The following ARHGEF12 variants were observed in gnomAD, a reference collection of about 807,000 sequenced individuals.
The protein encoded by ARHGEF12 is KMT2A/ARHGEF12 fusion protein.
Under a neutral mutation model 211.2 loss-of-function variants are expected in ARHGEF12, and 66 were observed. That is an observed-to-expected ratio of 0.31 (90% CI 0.26 to 0.38). ARHGEF12 has a LOEUF of 0.38. Ranked by LOEUF, ARHGEF12 falls within the 10% of genes least tolerant of loss-of-function variation. The pLI is 1.00. For synonymous variants in ARHGEF12, 592 were observed against 638.4 expected, an observed-to-expected ratio of 0.93 and a Z score of 1.09; for missense variants, 1,429 against 1,869.5, an observed-to-expected ratio of 0.76 and a Z score of 4.34.
intron 37 of ARHGEF12, 100 bp downstream of exon 37, chr11:120,478,489 A>G: frequency 9.0e-7 from 1 of 1,114,734 alleles, no homozygotes; most frequent in Non-Finnish European, 1.3e-6. Flanking sequence ...TTATTCTTCT[A>G]GTTCTATTGT....
chr11:120,480,800 G>T (rs143826542), intron 38 of ARHGEF12, among the ~76,000 whole-genome samples: 44 of 152,278 alleles, frequency 2.9e-4, no homozygotes, highest in African/African-American at 1.0e-3. Flanking sequence ...TAGGACCTCC[G>T]ATGAGGTAGC....
At chr11:120,459,117 T>C in intron 25 of ARHGEF12, 57 bp from the exon 26 acceptor site, 2 of 1,412,476 alleles carry the variant, frequency 1.4e-6, no homozygotes, top group Non-Finnish European at 1.9e-6. Flanking sequence ...AAGACTATGA[T>C]TGATCCCATG....
At chr11:120,387,190 T>G (rs1238520442) in intron 1 of ARHGEF12, among the ~76,000 whole-genome samples, 2 of 152,056 alleles carry the variant, frequency 1.3e-5, no homozygotes, top group Non-Finnish European at 2.9e-5. Flanking sequence ...TTTATTATAT[T>G]TAGTTTCCAT....
intron 26 of ARHGEF12, 75 bp from the exon 27 acceptor site, chr11:120,460,597 T>G (rs1489143673): frequency 4.0e-6 from 5 of 1,238,634 alleles, no homozygotes; most frequent in Non-Finnish European, 5.7e-6. Context: ...AAAAAAAAAT[T>G]AGCTACTCTG....
chr11:120,371,074 A>T (rs1244377244), intron 1 of ARHGEF12, among the ~76,000 whole-genome samples: 1 of 152,252 alleles, frequency 6.6e-6, no homozygotes, highest in Non-Finnish European at 1.5e-5. Context: ...TACCTCACAG[A>T]ATCAAGTGAG....
chr11:120,352,724 C>G (rs1184265921), intron 1 of ARHGEF12, among the ~76,000 whole-genome samples: 3 of 152,116 alleles, frequency 2.0e-5, no homozygotes, highest in Non-Finnish European at 4.4e-5. Context: ...TTTGTGTCTC[C>G]CATGCTCAGG....
intron 4 of ARHGEF12, among the ~76,000 whole-genome samples, chr11:120,415,708 T>C (rs2135630612): frequency 6.6e-6 from 1 of 152,320 alleles, no homozygotes; most frequent in Non-Finnish European, 1.5e-5. Flanking sequence ...GAATTTTGAA[T>C]GGTAGGATGG....
At chr11:120,379,999 C>A (rs1170468129) in intron 1 of ARHGEF12, among the ~76,000 whole-genome samples, 1 of 152,096 alleles carries the variant, frequency 6.6e-6, no homozygotes, top group African/African-American at 2.4e-5. Flanking sequence ...CATGTGTTTT[C>A]ACTTTCATTT....
intron 4 of ARHGEF12, among the ~76,000 whole-genome samples, chr11:120,412,561 C>G (rs1247671107): frequency 1.3e-5 from 2 of 152,154 alleles, no homozygotes; most frequent in Non-Finnish European, 2.9e-5. Context: ...GATATTACAT[C>G]AACCTGGTTC....
chr11:120,379,333 C>G (rs1197284756), intron 1 of ARHGEF12, among the ~76,000 whole-genome samples: 1 of 151,746 alleles, frequency 6.6e-6, no homozygotes, highest in Non-Finnish European at 1.5e-5. Context: ...CTGGAGTTTT[C>G]CATAATGTCA....
At chr11:120,464,961 A>G in intron 27 of ARHGEF12, 1 of 304,720 alleles carries the variant, frequency 3.3e-6, no homozygotes, top group Non-Finnish European at 6.0e-6. Context: ...AGCCAAGATC[A>G]TGCCATTGTA....
intron 12 of ARHGEF12, 69 bp downstream of exon 12, chr11:120,437,451 C>T (rs1375893752): frequency 1.8e-6 from 2 of 1,082,766 alleles, no homozygotes; most frequent in Non-Finnish European, 2.6e-6. Context: ...ATGGTATAGA[C>T]ACATCTGATG....
intron 1 of ARHGEF12, among the ~76,000 whole-genome samples, chr11:120,351,410 T>G (rs1469455651): frequency 4.4e-4 from 1 of 2,282 alleles, no homozygotes. Context: ...AGGAAAGGAA[T>G]ATATATATAT....
intron 30 of ARHGEF12, among the ~76,000 whole-genome samples, chr11:120,469,945 G>GGT (rs1946820122): frequency 6.6e-6 from 1 of 151,960 alleles, no homozygotes; most frequent in Non-Finnish European, 1.5e-5. Context: ...TGATGTGAAG[G>GGT]GTGCAACCCT....
chr11:120,447,184 G>A, intron 18 of ARHGEF12, 99 bp downstream of exon 18: 6 of 1,351,334 alleles, frequency 4.4e-6, no homozygotes, highest in Non-Finnish European at 5.9e-6. Context: ...GTCAGATTGT[G>A]TATGTGGAGC....
rs555854218 is a variant in ARHGEF12, at chr11:120,457,101, C to G, written c.2057-17C>G. On this transcript the variant is annotated splice_polypyrimidine_tract_variant and intron_variant, in intron 22 of 40. Transcript: ENST00000397843. Reference sequence around the variant, plus strand: ...TTAAGTATTAACACTCTTCAAATGTCTGACTTTTGTCTACAGGATCAAAGC... The same window carrying G: ...TTAAGTATTAACACTCTTCAAATGTGTGACTTTTGTCTACAGGATCAAAGC... 33 of 1,612,582 alleles carry G rather than the reference C, an allele frequency of 2.0e-5. No homozygotes were observed. In the South Asian group the frequency reaches 3.4e-4, roughly 17 times the overall value.
At chr11:120,413,962 T>C (rs1043749656) in intron 4 of ARHGEF12, among the ~76,000 whole-genome samples, 1 of 152,250 alleles carries the variant, frequency 6.6e-6, no homozygotes, top group Admixed American at 6.5e-5. Flanking sequence ...ATAGGAGTTA[T>C]GGCCTTCTTT....
At position 120,399,257 on chromosome 11, in the gene ARHGEF12, G is replaced by A. The variant is rs1050180018; in HGVS notation, c.33-6861G>A. Among the ~76,000 whole-genome samples, 10 of 128,588 alleles carry A rather than the reference G, an allele frequency of 7.8e-5. No homozygotes were observed. In the Admixed American group the frequency reaches 8.3e-4, roughly 11 times the overall value. 84.4% of individuals were successfully genotyped at this position (128,588 alleles called of 152,430 possible). On this transcript the variant is annotated intron_variant, in intron 1 of 40. Coordinates refer to ENST00000397843, the MANE Select transcript of ARHGEF12 (RefSeq NM_015313.3). Reference sequence around the variant, plus strand: ...ATTCCCTTGAGCCCAGGAGTTCGAGGTTACAGTGACCTATGATTGTGCCAC... The same window carrying A: ...ATTCCCTTGAGCCCAGGAGTTCGAGATTACAGTGACCTATGATTGTGCCAC...
At chr11:120,355,337 T>G (rs1043658547) in intron 1 of ARHGEF12, among the ~76,000 whole-genome samples, 22 of 152,242 alleles carry the variant, frequency 1.4e-4, no homozygotes, top group Non-Finnish European at 3.1e-4. Context: ...TACTATACTT[T>G]TACAACTGTT....
Sources: allele counts gnomAD v4.1 joint callset (sites outside exome capture counted in the v4.1 genomes callset), GRCh38; gene constraint gnomAD v4.1.1; transcripts MANE v1.5; gene names NCBI Gene and HGNC (gene_info 2026-07-23, HGNC 2026-07-21).